TIAM1: variants seen among roughly 807,000 people sequenced by gnomAD.
The protein encoded by TIAM1 is TIAM Rac1 associated GEF 1.
A neutral mutation model predicts 163.5 loss-of-function variants in TIAM1; 65 were observed. The observed-to-expected ratio is 0.40, with a 90% CI of 0.33 to 0.49. The LOEUF (loss-of-function observed/expected upper bound fraction) is 0.49. TIAM1 is among the 20% of genes least tolerant of loss of function. The pLI is 0.77. For missense variants in TIAM1, 1,789 were observed against 2,044.7 expected, an observed-to-expected ratio of 0.87 and a Z score of 2.41; for synonymous variants, 833 against 810.1, an observed-to-expected ratio of 1.03 and a Z score of -0.48.
At chr21:31,372,494 C>A (rs112847693) in intron 2 of TIAM1, among the ~76,000 whole-genome samples, 1 of 152,086 alleles carries the variant, frequency 6.6e-6, no homozygotes, top group Admixed American at 6.5e-5. Context: ...CTAAGAACCA[C>A]GAGAGCAGTG....
At chr21:31,432,977 GA>G (rs2044093669) in intron 2 of TIAM1, among the ~76,000 whole-genome samples, 1 of 152,184 alleles carries the variant, frequency 6.6e-6, no homozygotes, top group African/African-American at 2.4e-5. Flanking sequence ...TACAGATAAA[GA>G]AATGCCAAAT....
intron 19 of TIAM1, among the ~76,000 whole-genome samples, chr21:31,150,041 T>C (rs1354479611): frequency 6.6e-6 from 1 of 152,120 alleles, no homozygotes; most frequent in African/African-American, 2.4e-5. Flanking sequence ...CATATACACA[T>C]AGGAGACAGG....
intron 2 of TIAM1, among the ~76,000 whole-genome samples, chr21:31,337,500 T>TTTATTATTA (rs1223724769): frequency 8.0e-6 from 1 of 124,932 alleles, no homozygotes; most frequent in Admixed American, 7.6e-5. Flanking sequence ...AATTGTTGTT[T>TTTATTATTA]TTATTATTAT....
chr21:31,470,429 G>A (rs910661943), intron 1 of TIAM1, among the ~76,000 whole-genome samples: 4 of 152,094 alleles, frequency 2.6e-5, no homozygotes, highest in African/African-American at 9.7e-5. Flanking sequence ...TACCTCCAGG[G>A]TTCAAGCGAT....
At chr21:31,204,254 A>G (rs934137602) in intron 11 of TIAM1, among the ~76,000 whole-genome samples, 3 of 152,220 alleles carry the variant, frequency 2.0e-5, no homozygotes, top group Non-Finnish European at 4.4e-5. Context: ...TAGAAATGAT[A>G]TAATGTCTGG....
chr21:31,201,939 C>T (rs1198430824), intron 12 of TIAM1, among the ~76,000 whole-genome samples: 1 of 152,146 alleles, frequency 6.6e-6, no homozygotes, highest in Non-Finnish European at 1.5e-5. Context: ...ACCAAGTAAG[C>T]ATATTATCTC....
chr21:31,171,899 G>A (rs938272853), intron 15 of TIAM1, among the ~76,000 whole-genome samples: 2 of 152,160 alleles, frequency 1.3e-5, no homozygotes, highest in Non-Finnish European at 2.9e-5. Context: ...GTCACCATAC[G>A]TGGGAGTGAG....
intron 2 of TIAM1, among the ~76,000 whole-genome samples, chr21:31,281,998 G>T (rs1376288524): frequency 1.3e-5 from 2 of 152,174 alleles, no homozygotes; most frequent in African/African-American, 4.8e-5. Flanking sequence ...AAAAACTTGG[G>T]AATGACTTCT....
intron 23 of TIAM1, among the ~76,000 whole-genome samples, chr21:31,135,139 GAC>G (rs147309669): frequency 0.031 from 4,708 of 152,216 alleles, 217 homozygotes; most frequent in African/African-American, 0.11. Context: ...AAGAGGCTAG[GAC>G]AAAACGCAAC....
rs993899078 is a variant in TIAM1 at position 31,141,968 on chromosome 21, C to T, written c.3476-464G>A. ...ACCTCCTGTCTGAGGCTCTTACACC[C>T]TGGGCCACCATTCCCCTGTCCTAAT... On this transcript the variant is annotated intron_variant, in intron 20 of 27. Coordinates refer to ENST00000541036, the MANE Select transcript of TIAM1 (RefSeq NM_001353694.2). This position sits in a 1 kb window ranked among gnomAD's most constrained non-coding sequence, Gnocchi z 4.7. Among the ~76,000 whole-genome samples, 1 of 152,136 alleles carries T rather than the reference C, an allele frequency of 6.6e-6. No homozygotes were observed. Among genetic ancestry groups the T allele is most frequent in the African/African-American group, 2.4e-5 (1 of 41,420 alleles).
chr21:31,219,097 T>C (rs1601594657), intron 8 of TIAM1, among the ~76,000 whole-genome samples: 1 of 144,558 alleles, frequency 6.9e-6, no homozygotes, highest in East Asian at 2.1e-4. Flanking sequence ...AGTGGAGCGA[T>C]TCCAGAGAAG....
At chr21:31,293,192 G>A (rs2074099777) in intron 2 of TIAM1, among the ~76,000 whole-genome samples, 1 of 152,104 alleles carries the variant, frequency 6.6e-6, no homozygotes, top group Non-Finnish European at 1.5e-5. Context: ...GCAAGGTAGG[G>A]TTGGAGACCC....
intron 13 of TIAM1, among the ~76,000 whole-genome samples, chr21:31,190,967 A>G (rs1316089263): frequency 6.6e-6 from 1 of 152,146 alleles, no homozygotes; most frequent in East Asian, 1.9e-4. Flanking sequence ...GCTAGGTGTT[A>G]ATATTAGATA....
At chr21:31,365,585 T>C (rs1313900438) in intron 2 of TIAM1, among the ~76,000 whole-genome samples, 1 of 151,486 alleles carries the variant, frequency 6.6e-6, no homozygotes, top group Non-Finnish European at 1.5e-5. Flanking sequence ...GAGATGGGGT[T>C]TCACACCATG....
At chr21:31,521,595 G>A (rs1292332081) in intron 1 of TIAM1, among the ~76,000 whole-genome samples, 1 of 152,118 alleles carries the variant, frequency 6.6e-6, no homozygotes, top group Non-Finnish European at 1.5e-5. Flanking sequence ...AACTTAGCCA[G>A]TAGTGGTGGT....
At chr21:31,303,337 A>G (rs532399697) in intron 2 of TIAM1, among the ~76,000 whole-genome samples, 4 of 152,286 alleles carry the variant, frequency 2.6e-5, no homozygotes, top group Admixed American at 2.6e-4. Context: ...CCCCACACAC[A>G]AAGAATCAGC....
chr21:31,164,294 G>A (rs935615612), intron 16 of TIAM1, among the ~76,000 whole-genome samples: 10 of 151,876 alleles, frequency 6.6e-5, no homozygotes, highest in African/African-American at 2.4e-4. Context: ...GGAGGCTGAG[G>A]CAGAAGAATG....
At position 31,489,932 on chromosome 21, in the gene TIAM1, G is replaced by A. The variant is rs539039403; in HGVS notation, c.-421-25897C>T. Among the ~76,000 whole-genome samples, 113 of 152,254 alleles carry A rather than the reference G, an allele frequency of 7.4e-4. 1 individual carries two copies. The highest frequency in any genetic ancestry group is 5.0e-3 in the Admixed American group (77 of 15,290). ...TTTCAGCAGTTTTATTAACTGGCAGGAGTAAGAGGAAAAAGAAGACTTTTT... is the reference window on the plus strand; with the variant it reads ...TTTCAGCAGTTTTATTAACTGGCAGAAGTAAGAGGAAAAAGAAGACTTTTT... On this transcript the variant is annotated intron_variant, in intron 1 of 28. Coordinates refer to the TIAM1 transcript ENST00000286827.
At chr21:31,474,205 G>A (rs536607498) in intron 1 of TIAM1, among the ~76,000 whole-genome samples, 1 of 152,142 alleles carries the variant, frequency 6.6e-6, no homozygotes, top group Non-Finnish European at 1.5e-5. Flanking sequence ...CTCCTGCCAG[G>A]CCCCACCTCC....
Sources: allele counts gnomAD v4.1 joint callset (sites outside exome capture counted in the v4.1 genomes callset), GRCh38; gene constraint gnomAD v4.1.1; non-coding constraint Gnocchi (gnomAD v3.1); transcripts MANE v1.5; gene names NCBI Gene and HGNC (gene_info 2026-07-23, HGNC 2026-07-21).